Variants in PSMA1 observed in about 807,000 individuals in gnomAD.
The protein encoded by PSMA1 is proteasome 20S subunit alpha 1, also known as proteasome subunit alpha type-1.
PSMA1 carries 3 observed loss-of-function variants against 38.4 expected under a neutral mutation model. The observed-to-expected ratio is 0.08, with a 90% CI of 0.04 to 0.20. The LOEUF is 0.20. Ranked by LOEUF, PSMA1 falls within the 10% of genes least tolerant of loss-of-function variation. The pLI, the probability that PSMA1 is intolerant of heterozygous loss-of-function variation, is 1.00. For missense variants in PSMA1, 227 were observed against 325.3 expected (o/e 0.70, Z 2.32); for synonymous variants, 101 against 107.1 (o/e 0.94, Z 0.35).
At chr11:14,641,315 C>CT (rs947500176) in intron 1 of PSMA1, among the ~76,000 whole-genome samples, 2 of 151,856 alleles carry the variant, frequency 1.3e-5, no homozygotes, top group Admixed American at 1.3e-4. Context: ...ATTCTTGAAC[C>CT]TAAAGAACTA....
intron 2 of PSMA1, among the ~76,000 whole-genome samples, chr11:14,548,131 T>G (rs1436632931): frequency 6.6e-6 from 1 of 152,142 alleles, no homozygotes; most frequent in Non-Finnish European, 1.5e-5. Flanking sequence ...TGTTAGCACT[T>G]TATAGATATT....
At chr11:14,625,990 A>G (rs1000074110) in intron 1 of PSMA1, among the ~76,000 whole-genome samples, 1 of 152,216 alleles carries the variant, frequency 6.6e-6, no homozygotes, top group African/African-American at 2.4e-5. Context: ...ACAGAAATGT[A>G]GTATACAATG....
At chr11:14,520,054 C>T in intron 1 of PSMA1, 1 of 614,068 alleles carries the variant, frequency 1.6e-6, no homozygotes, top group Middle Eastern at 4.5e-4. Context: ...ATCTAGCTGA[C>T]CGAGGAGGAA....
chr11:14,515,070 T>G (rs776807769), intron 4 of PSMA1, among the ~76,000 whole-genome samples: 3 of 152,206 alleles, frequency 2.0e-5, no homozygotes, highest in Non-Finnish European at 2.9e-5. Flanking sequence ...AGAAGAGAAT[T>G]TATGCCTATA....
Position 14,517,725 on chromosome 11 carries a change from T to C in PSMA1, c.171A>G (p.Ala57=), listed in dbSNP as rs1565034166. The part of the protein sequence containing the change: ...VALKRAQSEL[A]AHQKKILHVD... ...CATGGAGAATTTTTTTCTGATGAGC[T>C]GCAAGCTCTGATTGCGCCCTCTAAA... The change falls in exon 4 of 10, where the codon GCA becomes GCG. Residue 57 remains alanine (A), a synonymous_variant. Coordinates refer to ENST00000396394, the MANE Select transcript of PSMA1 (RefSeq NM_002786.4). 3.1e-6 allele frequency: 5 copies of C among 1,604,646 alleles called. No individual in the cohort carries two copies. Among genetic ancestry groups the C allele is most frequent in the Admixed American group, 1.7e-5 (1 of 58,022 alleles).
At chr11:14,557,484 C>T (rs916191569) in intron 2 of PSMA1, among the ~76,000 whole-genome samples, 5 of 152,126 alleles carry the variant, frequency 3.3e-5, no homozygotes, top group Admixed American at 6.5e-5. Flanking sequence ...CTTCGTGATC[C>T]GCCCACCTCG....
intron 2 of PSMA1, among the ~76,000 whole-genome samples, chr11:14,600,082 C>T (rs1223870266): frequency 6.6e-6 from 1 of 152,198 alleles, no homozygotes; most frequent in Non-Finnish European, 1.5e-5. Flanking sequence ...GGCTGCAGAA[C>T]AGCATACATT....
intron 2 of PSMA1, among the ~76,000 whole-genome samples, chr11:14,532,630 C>T (rs1057179891): frequency 7.7e-6 from 1 of 129,582 alleles, no homozygotes; most frequent in African/African-American, 2.9e-5. Context: ...GGGGGATATA[C>T]ATTGAAGATT....
intron 2 of PSMA1, among the ~76,000 whole-genome samples, chr11:14,557,723 G>A (rs145871433): frequency 1.3e-5 from 2 of 152,170 alleles, no homozygotes; most frequent in African/African-American, 4.8e-5. Context: ...TGCCCAGAGC[G>A]TTTGACCCAG....
chr11:14,520,322 C>T lies in PSMA1; in HGVS notation c.-23G>A, dbSNP rs1851507698. On this transcript the variant is annotated 5_prime_UTR_variant, in exon 1 of 10. Coordinates refer to ENST00000396394, the MANE Select transcript of PSMA1 (RefSeq NM_002786.4). The stretch of plus-strand genomic sequence containing the variant: ...CATGGTGGCGGCGCGGGCCTGGTTG[C>T]GGCCTCCAGCAAAACTGAGAATCAA... 6.2e-7 allele frequency: 1 copy of T among 1,614,114 alleles called. No individual in the cohort carries two copies. The highest frequency in any genetic ancestry group is 2.2e-5 in the East Asian group (1 of 44,882).
intron 1 of PSMA1, among the ~76,000 whole-genome samples, chr11:14,638,668 G>T (rs1423644350): frequency 7.4e-6 from 1 of 135,884 alleles, no homozygotes; most frequent in South Asian, 2.4e-4. Context: ...ACTGCTTTCT[G>T]GGGGAAAAGG....
At chr11:14,623,103 TG>T (rs1004640865) in intron 1 of PSMA1, among the ~76,000 whole-genome samples, 3 of 152,212 alleles carry the variant, frequency 2.0e-5, no homozygotes, top group African/African-American at 4.8e-5. Flanking sequence ...TACTTTAATA[TG>T]GAAAATTACA....
chr11:14,572,310 C>G (rs1270092297), intron 2 of PSMA1, among the ~76,000 whole-genome samples: 2 of 152,202 alleles, frequency 1.3e-5, no homozygotes, highest in Admixed American at 6.5e-5. Flanking sequence ...TTTTAAGAAA[C>G]TGTCTCTCAG....
chr11:14,579,794 G>A (rs1852261934), intron 2 of PSMA1, among the ~76,000 whole-genome samples: 1 of 152,158 alleles, frequency 6.6e-6, no homozygotes. Context: ...GGCATGTGAT[G>A]CAAAGGCACA....
In PSMA1 at chr11:14,643,090, G is replaced by A. The variant is rs73428262; in HGVS notation, c.-166+365C>T. Among the ~76,000 whole-genome samples the A allele has an allele frequency of 1.4e-3, 218 of 151,262 alleles. 1 individual carries two copies. Among genetic ancestry groups the A allele is most frequent in the African/African-American group, 5.2e-3 (213 of 41,202 alleles). On this transcript the variant is annotated intron_variant, in intron 1 of 10. Transcript: ENST00000418988. ...CTTCGCCTGTGAAGATGGTTCTTGA[G>A]CAACACTCAAGAACGTGCACGTGGA...
At chr11:14,620,076 G>A (rs539341330) in intron 1 of PSMA1, among the ~76,000 whole-genome samples, 1 of 151,880 alleles carries the variant, frequency 6.6e-6, no homozygotes, top group Non-Finnish European at 1.5e-5. Context: ...GCGTGTGTGT[G>A]TGTGTGTATG....
chr11:14,552,645 TC>T (rs973354269), intron 2 of PSMA1, among the ~76,000 whole-genome samples: 4 of 151,816 alleles, frequency 2.6e-5, no homozygotes, highest in Admixed American at 1.3e-4. Flanking sequence ...TGCATTAGAG[TC>T]CCCCTGGGCC....
intron 9 of PSMA1, 31 bp from the exon 10 acceptor site, chr11:14,505,279 T>C: frequency 6.4e-7 from 1 of 1,570,788 alleles, no homozygotes; most frequent in Non-Finnish European, 8.8e-7. Context: ...AGAAAATATG[T>C]AAAATGAACA....
intron 2 of PSMA1, among the ~76,000 whole-genome samples, chr11:14,546,942 T>C (rs1393794084): frequency 1.3e-5 from 2 of 152,160 alleles, no homozygotes; most frequent in African/African-American, 4.8e-5. Context: ...ACATGCCTTA[T>C]GATAAAGCTT....
Sources: gnomAD v4.1 joint callset for allele counts (sites outside exome capture counted in the v4.1 genomes callset) on GRCh38, gnomAD v4.1.1 for gene constraint, MANE v1.5 for transcripts, NCBI Gene and HGNC (gene_info 2026-07-23, HGNC 2026-07-21) for gene names.